The following AP1S1 variants were observed in gnomAD, a reference collection of about 807,000 sequenced individuals.
AP1S1 encodes AP-1 complex subunit sigma-1A.
AP1S1 carries 13 observed loss-of-function variants against 23.9 expected under a neutral mutation model. The observed-to-expected ratio is 0.54, with a 90% CI of 0.35 to 0.86. The LOEUF is 0.86. AP1S1 is among the 40% of genes least tolerant of loss of function. The pLI is 0.01. For synonymous variants in AP1S1, 84 were observed against 77.7 expected (o/e 1.08, Z -0.43); for missense variants, 119 against 197.6 (o/e 0.60, Z 2.38).
At chr7:101,157,575 A>C in intron 3 of AP1S1, 90 bp downstream of exon 3, 1 of 1,006,798 alleles carries the variant, frequency 9.9e-7, no homozygotes, top group East Asian at 2.6e-5. Flanking sequence ...TCTGCCCTGG[A>C]AGTTTCAGGG....
At chr7:101,160,021 C>CACACCCATGCCCTGGCACAG (rs1313271589) in intron 4 of AP1S1, among the ~76,000 whole-genome samples, 1 of 151,980 alleles carries the variant, frequency 6.6e-6, no homozygotes, top group Non-Finnish European at 1.5e-5. Flanking sequence ...CCCTGGCACA[C>CACACCCATGCCCTGGCACAG]ACACCCATCG....
At chr7:101,158,980 G>A (rs1797040000) in intron 3 of AP1S1, 79 bp from the exon 4 acceptor site, 1 of 1,564,874 alleles carries the variant, frequency 6.4e-7, no homozygotes, top group Non-Finnish European at 8.7e-7. Flanking sequence ...CAGAACCCAA[G>A]GTGGGAGGCA....
intron 1 of AP1S1, 167 bp downstream of exon 1, chr7:101,154,684 GAGGTGGCATT>G: frequency 1.3e-6 from 1 of 767,302 alleles, no homozygotes; most frequent in Non-Finnish European, 1.9e-6. Context: ...GGAAGAGGGG[GAGGTGGCATT>G]CGGGAGAGGG....
rs2116691443 is a variant in AP1S1, at chr7:101,159,148, C to T, written c.381C>T (p.Ser127=). 6.2e-7 allele frequency: 1 copy of T among 1,613,692 alleles called. No individual in the cohort carries two copies. Among genetic ancestry groups the T allele is most frequent in the South Asian group, 1.1e-5 (1 of 91,048 alleles). The part of the protein sequence containing the change: ...FLMGGDVQDT[S]KKSVLKAIEQ... ...TGGGGGGGGATGTCCAGGACACCTC[C>T]AAGAAGAGTGTGCTGAAAGCCATCG... The change falls in exon 4 of 5, where the codon TCC becomes TCT. Residue 127 remains serine (S), a synonymous_variant. Coordinates refer to ENST00000337619, the MANE Select transcript of AP1S1 (RefSeq NM_001283.5).
chr7:101,157,854 G>A (rs1157887191), intron 3 of AP1S1, among the ~76,000 whole-genome samples: 1 of 152,144 alleles, frequency 6.6e-6, no homozygotes, highest in African/African-American at 2.4e-5. Flanking sequence ...TGGCACAATC[G>A]TAGCTCACTG....
rs1218006717 is a variant in AP1S1, at chr7:101,160,648, C to A, written c.*82C>A. Reference sequence around the variant, plus strand: ...CTTCTCCTCTGCCCAGGGCCCTGTTCTTGGTGGGACTCGGCTGCCCCTCCT... The same window carrying A: ...CTTCTCCTCTGCCCAGGGCCCTGTTATTGGTGGGACTCGGCTGCCCCTCCT... On this transcript the variant is annotated 3_prime_UTR_variant, in exon 5 of 5. Transcript: ENST00000337619. 1.1e-5 allele frequency: 17 copies of A among 1,517,106 alleles called. No individual in the cohort carries two copies. The highest frequency in any genetic ancestry group is 1.4e-5 in the Non-Finnish European group (16 of 1,106,626). 94.0% of individuals were successfully genotyped at this position (1,517,106 alleles called of 1,614,324 possible).
chr7:101,159,831 T>C (rs1797058876), intron 4 of AP1S1, among the ~76,000 whole-genome samples: 1 of 151,604 alleles, frequency 6.6e-6, no homozygotes, highest in South Asian at 2.1e-4. Context: ...TCTGCAGTGA[T>C]GAGCGAGCCC....
intron 3 of AP1S1, 143 bp from the exon 4 acceptor site, chr7:101,158,916 C>T (rs560353147): frequency 8.8e-4 from 993 of 1,132,268 alleles, no homozygotes; most frequent in Non-Finnish European, 1.1e-3. Flanking sequence ...AACAAAATAA[C>T]GAAACAAAAA....
Position 101,160,984 on chromosome 7 carries a change from C to T in AP1S1, c.*418C>T, listed in dbSNP as rs1797096650. ...TACCTCCACCCTCCCCCTAGCCAGCCAGGCAGCTTCTCTGCCTGGGAGGGG... is the reference window on the plus strand; with the variant it reads ...TACCTCCACCCTCCCCCTAGCCAGCTAGGCAGCTTCTCTGCCTGGGAGGGG... On this transcript the variant is annotated 3_prime_UTR_variant, in exon 5 of 5. Transcript: ENST00000337619. 5.6e-6 allele frequency: 2 copies of T among 356,490 alleles called. No individual in the cohort carries two copies. Among genetic ancestry groups the T allele is most frequent in the Non-Finnish European group, 1.1e-5 (2 of 182,388 alleles). The allele number at this position is 356,490 out of a possible 1,614,324, so 22.1% of individuals were successfully genotyped here.
Position 101,160,867 on chromosome 7 carries a change from CCTT to C in AP1S1, c.*303_*305del. Reference sequence around the variant, plus strand: ...GCAGAACTGATGTCACCCCAGATGTCCTTCCCTCCCTAATAACTGTAAATATAT... The same window carrying C: ...GCAGAACTGATGTCACCCCAGATGTCCCCTCCCTAATAACTGTAAATATAT... On this transcript the variant is annotated 3_prime_UTR_variant, in exon 5 of 5. Coordinates refer to ENST00000337619, the MANE Select transcript of AP1S1 (RefSeq NM_001283.5). 1.7e-6 allele frequency: 1 copy of C among 604,374 alleles called. No individual in the cohort carries two copies. Among genetic ancestry groups the C allele is most frequent in the Non-Finnish European group, 3.1e-6 (1 of 323,138 alleles). The allele number at this position is 604,374 out of a possible 1,614,324, so 37.4% of individuals were successfully genotyped here.
intron 4 of AP1S1, 108 bp downstream of exon 4, chr7:101,159,304 C>A (rs1797047322): frequency 1.4e-6 from 2 of 1,481,260 alleles, no homozygotes; most frequent in Non-Finnish European, 1.8e-6. Flanking sequence ...AAGGAGCCCC[C>A]CCTCCCTGTG....
rs1325922053 is a variant in AP1S1 at position 101,154,525 on chromosome 7, G to T, written c.3+8G>T. 6.4e-7 allele frequency: 1 copy of T among 1,569,832 alleles called. No individual in the cohort carries two copies. Among genetic ancestry groups the T allele is most frequent in the Non-Finnish European group, 8.6e-7 (1 of 1,158,122 alleles). ...GCCGGAGGCTGCAGGATGGTAGGCT[G>T]TGCGAAGAGGGAGGGGAGGGGGAAG... On this transcript the variant is annotated splice_region_variant and intron_variant, in intron 1 of 4. Coordinates refer to ENST00000337619, the MANE Select transcript of AP1S1 (RefSeq NM_001283.5).
intron 3 of AP1S1, among the ~76,000 whole-genome samples, chr7:101,157,951 A>G (rs1797020716): frequency 1.3e-5 from 2 of 151,598 alleles, no homozygotes; most frequent in Admixed American, 1.3e-4. Flanking sequence ...ATGCCCAGCT[A>G]ATTTTTGTAT....
rs1434285556 is a variant in AP1S1, at chr7:101,161,048, C to T, written c.*482C>T. 2 of 347,300 alleles carry T rather than the reference C, an allele frequency of 5.8e-6. No homozygotes were observed. The highest frequency in any genetic ancestry group is 2.2e-5 in the South Asian group (1 of 45,190). The allele number at this position is 347,300 out of a possible 1,614,324, so 21.5% of individuals were successfully genotyped here. A position where few individuals can be genotyped will look rare whatever the true frequency, so the allele number is the denominator to read the frequency against. ...CTCTTTCTCCTTGGCTGCAGTGGGG[C>T]CTTTATCCAGTGCCAGGGAGGAACA... On this transcript the variant is annotated 3_prime_UTR_variant, in exon 5 of 5. Coordinates refer to ENST00000337619, the MANE Select transcript of AP1S1 (RefSeq NM_001283.5).
intron 2 of AP1S1, 26 bp from the exon 3 acceptor site, chr7:101,157,351 G>T: frequency 1.3e-6 from 2 of 1,526,088 alleles, no homozygotes; most frequent in Non-Finnish European, 1.8e-6. Flanking sequence ...AGCTTGTAGC[G>T]ATGTCTCATG....
intron 1 of AP1S1, among the ~76,000 whole-genome samples, chr7:101,155,811 G>A (rs1157832977): frequency 1.3e-5 from 2 of 152,240 alleles, no homozygotes; most frequent in African/African-American, 4.8e-5. Context: ...TGGATAGAGA[G>A]AGGGTGGAAG....
At chr7:101,157,797 G>GTC (rs1250305426) in intron 3 of AP1S1, among the ~76,000 whole-genome samples, 1 of 152,096 alleles carries the variant, frequency 6.6e-6, no homozygotes, top group African/African-American at 2.4e-5. Flanking sequence ...TAGAGACACA[G>GTC]TCTCACCCTA....
At chr7:101,157,755 G>A (rs1446023655) in intron 3 of AP1S1, among the ~76,000 whole-genome samples, 1 of 152,236 alleles carries the variant, frequency 6.6e-6, no homozygotes, top group Non-Finnish European at 1.5e-5. Context: ...ACCAAGTTCA[G>A]ATGTTTTGAT....
rs577955607 is a variant in AP1S1 at position 101,158,889 on chromosome 7, C to T, written c.292-170C>T. On this transcript the variant is annotated intron_variant, in intron 3 of 4. Transcript: ENST00000337619. The stretch of plus-strand genomic sequence containing the variant: ...CTGCACTGCAGCCTGGACGACAGAG[C>T]AAGAGACCCTGTCTCTAACAAAATA... Among the ~76,000 whole-genome samples the T allele has an allele frequency of 5.9e-5, 9 of 152,278 alleles. No homozygotes were observed. In the South Asian group the frequency reaches 1.2e-3, roughly 21 times the overall value.
Sources: allele counts gnomAD v4.1 joint callset (sites outside exome capture counted in the v4.1 genomes callset), GRCh38; gene constraint gnomAD v4.1.1; transcripts MANE v1.5; gene names NCBI Gene and HGNC (gene_info 2026-07-23, HGNC 2026-07-21).